DCAF6: variants seen among roughly 807,000 people sequenced by gnomAD.
The protein encoded by DCAF6 is DDB1- and CUL4-associated factor 6.
In DCAF6, 54 loss-of-function variants were observed where a neutral mutation model predicts 125.1. The ratio of observed to expected loss-of-function variants is 0.43; its 90% CI spans 0.35 to 0.54. The LOEUF (loss-of-function observed/expected upper bound fraction) is 0.54, where lower values mean the gene tolerates loss of function less well. DCAF6 is among the 20% of genes least tolerant of loss of function. DCAF6 has a pLI of 0.01. For synonymous variants in DCAF6, 371 were observed against 390.4 expected (o/e 0.95, Z 0.58); for missense variants, 934 against 1,161.7 (o/e 0.80, Z 2.85).
At chr1:167,880,055 C>G in the DCAF6 span, 1 of 1,454,608 alleles carries the variant, frequency 6.9e-7, no homozygotes, top group Admixed American at 1.8e-5. Flanking sequence ...TCCCGCAAAG[C>G]CCAGTGGCAA....
the DCAF6 span, among the ~76,000 whole-genome samples, chr1:167,894,960 G>A: frequency 1.3e-5 from 2 of 152,184 alleles, no homozygotes; most frequent in East Asian, 1.9e-4. Context: ...CAAGGCAGGC[G>A]GATCATGAGG....
chr1:168,040,810 A>G (rs1284998918), intron 13 of DCAF6, among the ~76,000 whole-genome samples: 1 of 148,000 alleles, frequency 6.8e-6, no homozygotes, highest in Non-Finnish European at 1.5e-5. Flanking sequence ...TTATATTCTC[A>G]TTCATCAATT....
At chr1:168,058,565 TTTTGTTTG>T (rs369988779) in intron 17 of DCAF6, among the ~76,000 whole-genome samples, 5 of 152,062 alleles carry the variant, frequency 3.3e-5, no homozygotes, top group Non-Finnish European at 5.9e-5. Flanking sequence ...TGATCTGGTT[TTTTGTTTG>T]TTTGTTTGTT....
chr1:167,895,139 G>A, the DCAF6 span, among the ~76,000 whole-genome samples: 3 of 148,340 alleles, frequency 2.0e-5, no homozygotes, highest in South Asian at 2.1e-4. Flanking sequence ...CCCATATCGC[G>A]CCAGTGCACT....
At chr1:168,066,352 A>G in intron 19 of DCAF6, 25 bp from the exon 20 acceptor site, 1 of 1,466,350 alleles carries the variant, frequency 6.8e-7, no homozygotes, top group Non-Finnish European at 9.4e-7. Flanking sequence ...TAGGCTTCAT[A>G]TTAATATATA....
intron 1 of DCAF6, among the ~76,000 whole-genome samples, chr1:167,938,965 G>A (rs1671801666): frequency 6.6e-6 from 1 of 152,076 alleles, no homozygotes; most frequent in Admixed American, 6.5e-5. Context: ...TACATACAGG[G>A]AGTTCTTTAT....
chr1:168,010,168 T>C (rs1051765952), intron 10 of DCAF6, among the ~76,000 whole-genome samples: 1 of 152,192 alleles, frequency 6.6e-6, no homozygotes, highest in African/African-American at 2.4e-5. Flanking sequence ...CCTTTGACTG[T>C]CTAGACCACA....
intron 4 of DCAF6, among the ~76,000 whole-genome samples, chr1:167,979,112 T>A (rs929933153): frequency 6.6e-6 from 1 of 152,218 alleles, no homozygotes; most frequent in Non-Finnish European, 1.5e-5. Flanking sequence ...AGATCTGTAA[T>A]CTATCTGGAT....
chr1:168,031,331 G>A (rs930367572), intron 12 of DCAF6, among the ~76,000 whole-genome samples: 4 of 152,276 alleles, frequency 2.6e-5, no homozygotes, highest in South Asian at 4.1e-4. Context: ...ATAGAACAGC[G>A]TGGTGTCTTG....
At chr1:168,074,097 T>G (rs1037921842) in intron 21 of DCAF6, among the ~76,000 whole-genome samples, 2 of 151,828 alleles carry the variant, frequency 1.3e-5, no homozygotes, top group Non-Finnish European at 2.9e-5. Flanking sequence ...TACACATACA[T>G]TATGTCATTG....
intron 1 of DCAF6, among the ~76,000 whole-genome samples, chr1:167,950,501 T>G (rs1274498359): frequency 6.6e-6 from 1 of 152,214 alleles, no homozygotes; most frequent in East Asian, 1.9e-4. Context: ...TCCATAATTT[T>G]TTTTTAACTT....
intron 10 of DCAF6, among the ~76,000 whole-genome samples, chr1:168,012,941 C>T (rs187115279): frequency 4.6e-5 from 7 of 152,100 alleles, no homozygotes; most frequent in African/African-American, 1.7e-4. Flanking sequence ...AGATTTATGT[C>T]TTCATAAAAC....
At chr1:168,055,257 G>C (rs1280910137) in intron 17 of DCAF6, among the ~76,000 whole-genome samples, 1 of 147,706 alleles carries the variant, frequency 6.8e-6, no homozygotes, top group Non-Finnish European at 1.5e-5. Context: ...GAAGGAGATG[G>C]TGGTGAGGAT....
chr1:168,008,123 C>T (rs774031099), intron 10 of DCAF6, among the ~76,000 whole-genome samples: 5 of 151,820 alleles, frequency 3.3e-5, no homozygotes, highest in Non-Finnish European at 7.4e-5. Flanking sequence ...GTTCCTGCCA[C>T]CACACCCAGC....
upstream of DCAF6, chr1:167,935,593 A>T (rs1351873369): frequency 5.9e-6 from 4 of 673,106 alleles, no homozygotes; most frequent in African/African-American, 1.8e-5. Flanking sequence ...ACAGGCTAGG[A>T]GAGTAGACGG....
chr1:167,958,663 G>A (rs1273551602), intron 2 of DCAF6, among the ~76,000 whole-genome samples: 1 of 152,058 alleles, frequency 6.6e-6, no homozygotes, highest in Non-Finnish European at 1.5e-5. Flanking sequence ...ACATTTCATT[G>A]TAAAATATCA....
At chr1:167,939,167 T>C (rs1263257522) in intron 1 of DCAF6, among the ~76,000 whole-genome samples, 2 of 152,180 alleles carry the variant, frequency 1.3e-5, no homozygotes, top group East Asian at 1.9e-4. Flanking sequence ...TCAGCTCTTC[T>C]ATACTACAGT....
At chr1:167,897,588 G>A in the DCAF6 span, among the ~76,000 whole-genome samples, 78 of 80 alleles carry the variant, frequency 0.97, 39 homozygotes, top group African/African-American at 1. Context: ...GCATCAGGCA[G>A]TGCTAACCAG....
intron 10 of DCAF6, among the ~76,000 whole-genome samples, chr1:168,014,612 T>C (rs551608029): frequency 2.2e-4 from 33 of 152,240 alleles, no homozygotes; most frequent in Non-Finnish European, 2.6e-4. Context: ...TGTTTCTCCA[T>C]TGTTCCCTGC....
Sources: allele counts gnomAD v4.1 joint callset (sites outside exome capture counted in the v4.1 genomes callset), GRCh38; gene constraint gnomAD v4.1.1; transcripts MANE v1.5; gene names NCBI Gene and HGNC (gene_info 2026-07-23, HGNC 2026-07-21).